PPM1L: variants seen among roughly 807,000 people sequenced by gnomAD.
PPM1L encodes the protein protein phosphatase 1L.
Under a neutral mutation model 31.4 loss-of-function variants are expected in PPM1L, and 13 were observed. The ratio of observed to expected loss-of-function variants is 0.41; its 90% CI spans 0.27 to 0.66. The LOEUF (loss-of-function observed/expected upper bound fraction) is 0.66. Ranked by LOEUF, PPM1L falls within the 30% of genes least tolerant of loss-of-function variation. The pLI, the probability that PPM1L is intolerant of heterozygous loss-of-function variation, is 0.29. For missense variants in PPM1L, 326 were observed against 453.7 expected (o/e 0.72, Z 2.56); for synonymous variants, 184 against 175.4 (o/e 1.05, Z -0.39).
chr3:160,895,286 C>T (rs1189841447), intron 1 of PPM1L, among the ~76,000 whole-genome samples: 1 of 152,154 alleles, frequency 6.6e-6, no homozygotes, highest in African/African-American at 2.4e-5. Flanking sequence ...AATAATAGCT[C>T]ATTGGAGCTT....
At chr3:160,761,663 T>C (rs1198686184) in intron 1 of PPM1L, among the ~76,000 whole-genome samples, 1 of 152,202 alleles carries the variant, frequency 6.6e-6, no homozygotes, top group Non-Finnish European at 1.5e-5. Context: ...AATTTTCCTT[T>C]ATCCCATTTG....
At chr3:160,942,866 A>C (rs886904248) in intron 1 of PPM1L, among the ~76,000 whole-genome samples, 1 of 152,164 alleles carries the variant, frequency 6.6e-6, no homozygotes, top group Non-Finnish European at 1.5e-5. Flanking sequence ...ATCTAAAGGG[A>C]AATTCTTTAT....
intron 1 of PPM1L, among the ~76,000 whole-genome samples, chr3:160,930,561 A>G (rs1274404442): frequency 6.6e-6 from 1 of 152,136 alleles, no homozygotes; most frequent in African/African-American, 2.4e-5. Context: ...CCACCTGAAA[A>G]ACCAAATACA....
At chr3:160,852,068 A>G (rs1427730689) in intron 1 of PPM1L, among the ~76,000 whole-genome samples, 2 of 152,228 alleles carry the variant, frequency 1.3e-5, no homozygotes, top group African/African-American at 2.4e-5. Flanking sequence ...AGGGCGAATG[A>G]AGATTACTTA....
chr3:161,020,145 G>T (rs1435574818), intron 2 of PPM1L, among the ~76,000 whole-genome samples: 1 of 148,866 alleles, frequency 6.7e-6, no homozygotes, highest in African/African-American at 2.5e-5. Flanking sequence ...AAAAAAAGTT[G>T]TACTAAGCCT....
chr3:160,775,893 A>T (rs1343039312), intron 1 of PPM1L, among the ~76,000 whole-genome samples: 1 of 152,222 alleles, frequency 6.6e-6, no homozygotes, highest in Non-Finnish European at 1.5e-5. Flanking sequence ...GAACCATATC[A>T]GCTGCCTGGG....
rs536057280 is a variant in PPM1L at position 160,986,216 on chromosome 3, A to G, written c.574+24306A>G. 4.6e-5 allele frequency among the ~76,000 whole-genome samples: 7 copies of G among 152,280 alleles called. No individual in the cohort carries two copies. In the East Asian group the frequency reaches 1.4e-3, roughly 29 times the overall value. ...TATTACTCACAGAGAGCCATCTGGT[A>G]TCTTGGTCATTAACCCACTTTTGCT... On this transcript the variant is annotated intron_variant, in intron 2 of 3. Transcript: ENST00000498165.
intron 1 of PPM1L, among the ~76,000 whole-genome samples, chr3:160,899,277 A>G (rs573031317): frequency 6.6e-6 from 1 of 152,274 alleles, no homozygotes; most frequent in East Asian, 1.9e-4. Context: ...CCCTGAGGTG[A>G]TACAGAAGTG....
chr3:160,975,503 G>A (rs921486769), intron 2 of PPM1L, among the ~76,000 whole-genome samples: 1 of 152,220 alleles, frequency 6.6e-6, no homozygotes, highest in Non-Finnish European at 1.5e-5. Context: ...TCTGACCCAT[G>A]AGCATGGAAT....
intron 1 of PPM1L, among the ~76,000 whole-genome samples, chr3:160,785,660 G>A (rs911423046): frequency 5.3e-5 from 8 of 152,100 alleles, no homozygotes; most frequent in Non-Finnish European, 1.2e-4. Context: ...TTCACTTCAT[G>A]TATTTAAGAG....
intron 2 of PPM1L, among the ~76,000 whole-genome samples, chr3:161,023,546 C>A (rs947641594): frequency 6.6e-6 from 1 of 152,118 alleles, no homozygotes; most frequent in Non-Finnish European, 1.5e-5. Context: ...TTTTTCATTT[C>A]ATTTACTACG....
At chr3:160,942,994 A>G (rs1715211704) in intron 1 of PPM1L, among the ~76,000 whole-genome samples, 1 of 152,170 alleles carries the variant, frequency 6.6e-6, no homozygotes, top group Non-Finnish European at 1.5e-5. Context: ...GTAATGAAGC[A>G]GGAAGTAAAC....
intron 1 of PPM1L, among the ~76,000 whole-genome samples, chr3:160,916,027 A>G (rs1576711342): frequency 6.6e-6 from 1 of 152,228 alleles, no homozygotes; most frequent in South Asian, 2.1e-4. Flanking sequence ...AAACACCAAA[A>G]GCAATGGCAA....
chr3:161,061,622 G>T (rs1223992077), intron 2 of PPM1L, among the ~76,000 whole-genome samples: 1 of 152,124 alleles, frequency 6.6e-6, no homozygotes, highest in Non-Finnish European at 1.5e-5. Context: ...AACTATTTAC[G>T]TAGCATTTAC....
intron 1 of PPM1L, among the ~76,000 whole-genome samples, chr3:160,913,878 T>A (rs1440206779): frequency 6.6e-6 from 1 of 152,194 alleles, no homozygotes; most frequent in Non-Finnish European, 1.5e-5. Context: ...ATCAAAGATA[T>A]ACATATCTTT....
At chr3:160,984,495 G>A (rs1477458638) in intron 2 of PPM1L, among the ~76,000 whole-genome samples, 3 of 152,104 alleles carry the variant, frequency 2.0e-5, no homozygotes, top group African/African-American at 7.2e-5. Flanking sequence ...ATCACCACAG[G>A]GTCCTGAGGC....
rs1457469529 is a variant in PPM1L, at chr3:161,071,408, A to G, written c.*2251A>G. On this transcript the variant is annotated 3_prime_UTR_variant, in exon 4 of 4. Coordinates refer to ENST00000498165, the MANE Select transcript of PPM1L (RefSeq NM_139245.4). Reference sequence around the variant, plus strand: ...AAAGATGAAAAAGAAAAGCTACTAAATTAGTAAATCAGTGGTTACGTGCCC... The same window carrying G: ...AAAGATGAAAAAGAAAAGCTACTAAGTTAGTAAATCAGTGGTTACGTGCCC... The G allele has an allele frequency of 6.6e-6, 1 of 152,254 alleles. No individual in the cohort carries two copies. Among genetic ancestry groups the G allele is most frequent in the African/African-American group, 2.4e-5 (1 of 41,472 alleles). 9.4% of individuals were successfully genotyped at this position (152,254 alleles called of 1,614,324 possible).
chr3:160,785,831 T>C (rs1711895550), intron 1 of PPM1L, among the ~76,000 whole-genome samples: 1 of 148,452 alleles, frequency 6.7e-6, no homozygotes, highest in African/African-American at 2.5e-5. Flanking sequence ...AGCGGTGCAC[T>C]GTTTTTTTTT....
rs1304966653 is a variant in PPM1L at position 160,925,424 on chromosome 3, C to G, written c.400-36312C>G. 2.6e-5 allele frequency among the ~76,000 whole-genome samples: 4 copies of G among 152,194 alleles called. No individual in the cohort carries two copies. In the South Asian group the frequency reaches 8.3e-4, roughly 32 times the overall value. ...ACTTTAAGTTAGCCATTTAGGTGAT[C>G]AAAACATCAATTCAATTGAGTTTGG... On this transcript the variant is annotated intron_variant, in intron 1 of 3. Transcript: ENST00000498165.
Sources: allele counts gnomAD v4.1 joint callset (sites outside exome capture counted in the v4.1 genomes callset), GRCh38; gene constraint gnomAD v4.1.1; transcripts MANE v1.5; gene names NCBI Gene and HGNC (gene_info 2026-07-23, HGNC 2026-07-21).